Variants in GPR132 observed in about 807,000 individuals in gnomAD.
The protein encoded by GPR132 is G protein-coupled receptor 132, also known as probable G protein-coupled receptor 132.
GPR132 carries 4 observed loss-of-function variants against 1.9 expected under a neutral mutation model. That is an observed-to-expected ratio of 2.13 (90% confidence interval 1.05 to 4.87). GPR132 has a LOEUF of 4.87. GPR132 is among the 30% of genes most tolerant of loss of function. The pLI is 0.01. For synonymous variants in GPR132, 233 were observed against 234.2 expected (o/e 0.99, Z 0.05); for missense variants, 404 against 512.5 (o/e 0.79, Z 2.04).
chr14:105,051,423 G>C lies in GPR132; in HGVS notation c.714C>G (p.Ala238=). Residue 238 remains alanine, a synonymous_variant, in exon 4 of 4, where the codon GCC becomes GCG. Coordinates refer to ENST00000329797, the MANE Select transcript of GPR132 (RefSeq NM_013345.4). This position sits in a 1 kb window ranked among gnomAD's most constrained non-coding sequence, Gnocchi z 8.0. ...CCGCGATGGCCGAGTGCTTCACCTTGGCCTTCTGGGCAGCGCTTAAGCCCA... is the reference window on the plus strand; with the variant it reads ...CCGCGATGGCCGAGTGCTTCACCTTCGCCTTCTGGGCAGCGCTTAAGCCCA... The part of the protein sequence containing the change: ...QSMGLSAAQK[A]KVKHSAIAVV... 1 of 1,614,146 alleles carries C rather than the reference G, an allele frequency of 6.2e-7. No individual in the cohort carries two copies. Among genetic ancestry groups the C allele is most frequent in the Non-Finnish European group, 8.5e-7 (1 of 1,180,036 alleles).
rs1243740957 is a variant in GPR132, at chr14:105,055,346, A to C, written c.34+41T>G. On this transcript the variant is annotated intron_variant, in intron 3 of 3. Coordinates refer to ENST00000329797, the MANE Select transcript of GPR132 (RefSeq NM_013345.4). This position sits in a 1 kb window ranked among gnomAD's most constrained non-coding sequence, Gnocchi z 4.7. ...AATCGCAAGAAAAAAAAATTGAAAA[A>C]GTGGAAAATTGTGGCAAAATACACA... The C allele has an allele frequency of 3.8e-6, 3 of 780,734 alleles. No individual in the cohort carries two copies. Among genetic ancestry groups the C allele is most frequent in the Non-Finnish European group, 7.2e-6 (3 of 417,980 alleles). The allele number at this position is 780,734 out of a possible 1,614,324, so 48.4% of individuals were successfully genotyped here.
At position 105,056,081 on chromosome 14, in the gene GPR132, T is replaced by A. The variant is rs944453212; in HGVS notation, c.-661A>T. Reference sequence around the variant, plus strand: ...GCGCTGGCCCACCTTCCCCCGGCGGTGTGCAGGGCTCCGGTCTCCCCACAG... The same window carrying A: ...GCGCTGGCCCACCTTCCCCCGGCGGAGTGCAGGGCTCCGGTCTCCCCACAG... On this transcript the variant is annotated 5_prime_UTR_variant, in exon 3 of 4. Transcript: ENST00000329797. The surrounding 1 kb of genome is among the most constrained non-coding windows in gnomAD (Gnocchi z 6.0). 3 of 948,110 alleles carry A rather than the reference T, an allele frequency of 3.2e-6. No homozygotes were observed. The African/African-American group carries it at 5.3e-5, about 17-fold the overall frequency. 58.7% of individuals were successfully genotyped at this position (948,110 alleles called of 1,614,324 possible).
intron 1 of GPR132, among the ~76,000 whole-genome samples, chr14:105,061,166 G>A (rs973213895): frequency 3.3e-5 from 5 of 152,268 alleles, no homozygotes; most frequent in African/African-American, 1.2e-4. Context: ...GGTCCACTGG[G>A]ACGTCCCGAC....
intron 3 of GPR132, among the ~76,000 whole-genome samples, chr14:105,053,219 G>A (rs1037076668): frequency 1.4e-5 from 2 of 143,370 alleles, no homozygotes; most frequent in Non-Finnish European, 3.0e-5. Context: ...GGAGTGCAGT[G>A]GCACGATCTC....
In GPR132 at chr14:105,056,394, C is replaced by T. The variant is rs926342060; in HGVS notation, c.-746-228G>A. Among the ~76,000 whole-genome samples the T allele has an allele frequency of 2.6e-5, 4 of 152,290 alleles. No individual in the cohort carries two copies. Among genetic ancestry groups the T allele is most frequent in the South Asian group, 2.1e-4 (1 of 4,826 alleles). ...CGAGTCCTGAGCTCAGAGGAAGTTTCGGGCCCCCTACACGGCCCCGTCTCT... is the reference window on the plus strand; with the variant it reads ...CGAGTCCTGAGCTCAGAGGAAGTTTTGGGCCCCCTACACGGCCCCGTCTCT... On this transcript the variant is annotated intron_variant, in intron 2 of 3. Transcript: ENST00000329797. The surrounding 1 kb of genome is among the most constrained non-coding windows in gnomAD (Gnocchi z 6.0).
At chr14:105,058,041 G>A (rs1037637221) in intron 1 of GPR132, 1 of 152,128 alleles carries the variant, frequency 6.6e-6, no homozygotes, top group Non-Finnish European at 1.5e-5. Flanking sequence ...GGAGAGAAAA[G>A]AAAGTTGATG....
At chr14:105,052,882 C>T (rs894685517) in intron 3 of GPR132, among the ~76,000 whole-genome samples, 1 of 151,284 alleles carries the variant, frequency 6.6e-6, no homozygotes, top group African/African-American at 2.4e-5. Context: ...TCACTTGAAC[C>T]CAGGAGGCGG....
At chr14:105,057,485 A>G (rs1595138578) in intron 1 of GPR132, 1 of 308,078 alleles carries the variant, frequency 3.2e-6, no homozygotes, top group South Asian at 7.7e-5. Flanking sequence ...AAAACGTCAC[A>G]TTAGCCACTG....
chr14:105,052,899 C>T (rs1886689145), intron 3 of GPR132, among the ~76,000 whole-genome samples: 1 of 149,728 alleles, frequency 6.7e-6, no homozygotes, highest in Non-Finnish European at 1.5e-5. Flanking sequence ...GCGGAGGTTG[C>T]AGTGAGCTGA....
rs1886571760 is a variant in GPR132, at chr14:105,049,459, T to A, written c.*1535A>T. On this transcript the variant is annotated 3_prime_UTR_variant, in exon 4 of 4. Transcript: ENST00000329797. ...ATACCAAAAAAAAGAGACAAGATTT[T>A]GCCATGTTGCCGAGGCTGGTCTCAA... The A allele has an allele frequency of 6.6e-6, 1 of 151,962 alleles. No individual in the cohort carries two copies. The allele number at this position is 151,962 out of a possible 1,614,324, so 9.4% of individuals were successfully genotyped here.
At position 105,056,924 on chromosome 14, in the gene GPR132, T is replaced by C. The variant is rs891822900; in HGVS notation, c.-747+243A>G. Among the ~76,000 whole-genome samples the C allele has an allele frequency of 6.6e-6, 1 of 152,192 alleles. No individual in the cohort carries two copies. The highest frequency in any genetic ancestry group is 1.5e-5 in the Non-Finnish European group (1 of 68,028). ...CCCCTGACTCAGTACTGTGTCGCCC[T>C]CCCAGGAGCCACCAACTATGCCCTC... On this transcript the variant is annotated intron_variant, in intron 2 of 3. Transcript: ENST00000329797. The surrounding 1 kb of genome is among the most constrained non-coding windows in gnomAD (Gnocchi z 6.0).
rs979471377 is a variant in GPR132 at position 105,056,372 on chromosome 14, G to C, written c.-746-206C>G. Among the ~76,000 whole-genome samples, 4 of 152,220 alleles carry C rather than the reference G, an allele frequency of 2.6e-5. No homozygotes were observed. Among genetic ancestry groups the C allele is most frequent in the African/African-American group, 7.2e-5 (3 of 41,466 alleles). On this transcript the variant is annotated intron_variant, in intron 2 of 3. Transcript: ENST00000329797. The surrounding 1 kb of genome is among the most constrained non-coding windows in gnomAD (Gnocchi z 6.0). ...CGAGTGCCCCAGCCCCGCTGTGCGA[G>C]TCCTGAGCTCAGAGGAAGTTTCGGG... is the stretch of plus-strand genomic sequence containing the variant.
chr14:105,054,975 G>A (rs1007685511), intron 3 of GPR132, among the ~76,000 whole-genome samples: 13 of 142,338 alleles, frequency 9.1e-5, no homozygotes, highest in East Asian at 2.1e-4. Context: ...GGAAGGCAGA[G>A]ATTGCGCCAC....
chr14:105,061,803 G>A (rs1886951559), intron 1 of GPR132, among the ~76,000 whole-genome samples: 1 of 152,174 alleles, frequency 6.6e-6, no homozygotes, highest in South Asian at 2.1e-4. Context: ...CATCGCCCCA[G>A]CTGTCTGGCC....
intron 1 of GPR132, chr14:105,057,792 G>A (rs1356862859): frequency 1.3e-5 from 2 of 151,550 alleles, no homozygotes; most frequent in South Asian, 4.2e-4. Context: ...GGGTTCAAGC[G>A]ATTCTCCTGT....
intron 1 of GPR132, chr14:105,058,125 T>C (rs2140933485): frequency 1.3e-5 from 2 of 152,276 alleles, no homozygotes; most frequent in South Asian, 4.1e-4. Context: ...TCCCAGCCCT[T>C]TGAGAAGCTG....
chr14:105,056,745 G>A lies in GPR132; in HGVS notation c.-747+422C>T, dbSNP rs960094141. On this transcript the variant is annotated intron_variant, in intron 2 of 3. Coordinates refer to ENST00000329797, the MANE Select transcript of GPR132 (RefSeq NM_013345.4). This position sits in a 1 kb window ranked among gnomAD's most constrained non-coding sequence, Gnocchi z 6.0. Reference sequence around the variant, plus strand: ...TGAGGAGGCTGTCCCCCGCTCCCCCGCCTCCTGCCACAAGTGACCTCCTGG... The same window carrying A: ...TGAGGAGGCTGTCCCCCGCTCCCCCACCTCCTGCCACAAGTGACCTCCTGG... Among the ~76,000 whole-genome samples, 5 of 152,166 alleles carry A rather than the reference G, an allele frequency of 3.3e-5. No homozygotes were observed. The highest frequency in any genetic ancestry group is 5.9e-5 in the Non-Finnish European group (4 of 68,022).
rs1367786378 is a variant in GPR132 at position 105,056,713 on chromosome 14, C to T, written c.-747+454G>A. Among the ~76,000 whole-genome samples the T allele has an allele frequency of 6.6e-6, 1 of 152,240 alleles. No homozygotes were observed. The highest frequency in any genetic ancestry group is 1.9e-4 in the East Asian group (1 of 5,198). On this transcript the variant is annotated intron_variant, in intron 2 of 3. Coordinates refer to ENST00000329797, the MANE Select transcript of GPR132 (RefSeq NM_013345.4). The surrounding 1 kb of genome is among the most constrained non-coding windows in gnomAD (Gnocchi z 6.0). ...TCCGTGGTGTCTGTGGCTCTGTGCC[C>T]ATCTGGTGAGGAGGCTGTCCCCCGC...
chr14:105,065,119 C>A lies in GPR132; in HGVS notation c.-861+260G>T, dbSNP rs78762761. Among the ~76,000 whole-genome samples the A allele has an allele frequency of 1.6e-3, 237 of 152,244 alleles. 9 individuals are homozygous for A. The East Asian group carries it at 0.038, about 24-fold the overall frequency. ...CAGAAGAAAGTCTCCAGGAAGGTGGCGGTGACAAAGATACAATGGAAACTG... is the reference window on the plus strand; with the variant it reads ...CAGAAGAAAGTCTCCAGGAAGGTGGAGGTGACAAAGATACAATGGAAACTG... On this transcript the variant is annotated intron_variant, in intron 1 of 3. Transcript: ENST00000329797.
Sources: gnomAD v4.1 joint callset for allele counts (sites outside exome capture counted in the v4.1 genomes callset) on GRCh38, gnomAD v4.1.1 for gene constraint, Gnocchi (gnomAD v3.1) non-coding constraint, MANE v1.5 for transcripts, NCBI Gene and HGNC (gene_info 2026-07-23, HGNC 2026-07-21) for gene names.